AMBRA1: variants seen among roughly 807,000 people sequenced by gnomAD.
AMBRA1 encodes autophagy and beclin 1 regulator 1, also known as activating molecule in BECN1-regulated autophagy protein 1.
Under a neutral mutation model 125.4 loss-of-function variants are expected in AMBRA1, and 47 were observed. That is an observed-to-expected ratio of 0.37 (90% CI 0.30 to 0.48). The LOEUF is 0.48. Ranked by LOEUF, AMBRA1 falls within the 20% of genes least tolerant of loss-of-function variation. AMBRA1 has a pLI of 0.99. For synonymous variants in AMBRA1, 626 were observed against 655.5 expected, an observed-to-expected ratio of 0.95 and a Z score of 0.69; for missense variants, 1,331 against 1,693.4, an observed-to-expected ratio of 0.79 and a Z score of 3.76.
chr11:46,469,657 ATTTC>A (rs1033662454), intron 11 of AMBRA1, among the ~76,000 whole-genome samples: 7 of 151,936 alleles, frequency 4.6e-5, no homozygotes, highest in Non-Finnish European at 2.9e-5. Flanking sequence ...AGCAACATAT[ATTTC>A]TTTCTTTTTC....
chr11:46,422,120 C>A (rs191714193), intron 14 of AMBRA1, among the ~76,000 whole-genome samples: 14 of 152,096 alleles, frequency 9.2e-5, no homozygotes, highest in Admixed American at 2.6e-4. Context: ...TCTATTACAC[C>A]GGACGTATTA....
chr11:46,440,741 T>C (rs1947963393), intron 12 of AMBRA1, among the ~76,000 whole-genome samples: 1 of 152,162 alleles, frequency 6.6e-6, no homozygotes, highest in Non-Finnish European at 1.5e-5. Flanking sequence ...TATAAGCACT[T>C]AGAAATAGAT....
chr11:46,416,290 G>A (rs913486032), intron 15 of AMBRA1, among the ~76,000 whole-genome samples: 2 of 152,152 alleles, frequency 1.3e-5, no homozygotes, highest in African/African-American at 2.4e-5. Flanking sequence ...CTGGGACTAG[G>A]GACAGGCCAG....
chr11:46,410,622 C>T (rs567078349), intron 15 of AMBRA1, among the ~76,000 whole-genome samples: 7 of 152,302 alleles, frequency 4.6e-5, no homozygotes, highest in African/African-American at 7.2e-5. Context: ...CAAGCCTAAC[C>T]GGCTCCTCCT....
intron 17 of AMBRA1, among the ~76,000 whole-genome samples, chr11:46,401,456 G>C (rs919747892): frequency 3.9e-5 from 6 of 152,166 alleles, no homozygotes; most frequent in African/African-American, 1.4e-4. Context: ...GGCCAGGCTG[G>C]TATCAGACTC....
rs749028985 is a variant in AMBRA1 at position 46,408,688 on chromosome 11, C to G, written c.3228G>C (p.Trp1076Cys). The G allele has an allele frequency of 6.4e-7, 1 of 1,558,894 alleles. No homozygotes were observed. Among genetic ancestry groups the G allele is most frequent in the Non-Finnish European group, 8.7e-7 (1 of 1,148,628 alleles). The part of the protein sequence containing the change: ...SERPGTSRAT[W>C]RTDRDMGLMN... ...TCAGCCCCATGTCTCTGTCTGTCCT[C>G]CATGTGGCTCTGCTGGTTCTAGGGA... is the stretch of plus-strand genomic sequence containing the variant. The change falls in exon 17 of 18, where the codon TGG (tryptophan) becomes TGC (cysteine). Residue 1076 changes from tryptophan (W) to cysteine (C), a missense_variant. Coordinates refer to ENST00000683756, the MANE Select transcript of AMBRA1 (RefSeq NM_001387011.1).
At chr11:46,568,384 G>A (rs1565306657) in intron 1 of AMBRA1, among the ~76,000 whole-genome samples, 3 of 152,026 alleles carry the variant, frequency 2.0e-5, no homozygotes. Flanking sequence ...CTTGAACCCA[G>A]GAGGCAGAGG....
chr11:46,493,742 A>G (rs1237154625), intron 10 of AMBRA1, 34 bp from the exon 11 acceptor site: 2 of 1,535,766 alleles, frequency 1.3e-6, no homozygotes, highest in East Asian at 2.3e-5. Flanking sequence ...AAAGCTGACT[A>G]AAGACTACCA....
rs1209472847 is a variant in AMBRA1 at position 46,397,730 on chromosome 11, G to A, written c.3617C>T (p.Pro1206Leu). ...TEPGAAHTSS[P>L]QPSTSRGLLP... The stretch of plus-strand genomic sequence containing the variant: ...CAGTCCCCGAGAGGTGGAGGGCTGG[G>A]GTGAGGAGGTGTGGGCGGCACCAGG... Residue 1206 changes from proline (P) to leucine (L), a missense_variant, in exon 18 of 18, where the codon CCC becomes CTC. Pro to Leu is a moderately conservative substitution (Grantham distance 98). Around this residue, in one of 4 missense-constraint regions of AMBRA1, gnomAD observed 144 missense variants for 133.9 expected, o/e 1.08. Coordinates refer to ENST00000683756, the MANE Select transcript of AMBRA1 (RefSeq NM_001387011.1). 3.7e-6 allele frequency: 6 copies of A among 1,613,172 alleles called. No individual in the cohort carries two copies. The highest frequency in any genetic ancestry group is 3.3e-5 in the Admixed American group (2 of 60,022).
intron 1 of AMBRA1, among the ~76,000 whole-genome samples, chr11:46,560,660 C>T (rs1365526987): frequency 1.3e-5 from 2 of 152,082 alleles, no homozygotes; most frequent in Admixed American, 6.6e-5. Context: ...CTCCTAAAAA[C>T]GGAAGGAAGA....
chr11:46,531,332 G>C (rs1304759796), intron 7 of AMBRA1, among the ~76,000 whole-genome samples: 1 of 152,230 alleles, frequency 6.6e-6, no homozygotes, highest in Non-Finnish European at 1.5e-5. Flanking sequence ...CTGATATAGA[G>C]GGTAGGGCAG....
chr11:46,517,146 C>CTTTTTTT (rs369058163), intron 7 of AMBRA1, among the ~76,000 whole-genome samples: 2 of 122,044 alleles, frequency 1.6e-5, no homozygotes, highest in Admixed American at 8.5e-5. Context: ...TACTCAAAAG[C>CTTTTTTT]TTTTTTTTTT....
At chr11:46,552,689 A>AT (rs963426430) in intron 1 of AMBRA1, among the ~76,000 whole-genome samples, 1 of 151,878 alleles carries the variant, frequency 6.6e-6, no homozygotes, top group African/African-American at 2.4e-5. Context: ...AAAAAAAAAA[A>AT]AAAAAAATTA....
At chr11:46,524,119 C>T (rs898020302) in intron 7 of AMBRA1, among the ~76,000 whole-genome samples, 1 of 152,324 alleles carries the variant, frequency 6.6e-6, no homozygotes, top group Non-Finnish European at 1.5e-5. Context: ...CCGCCCACCT[C>T]GGCCTCCCAA....
chr11:46,403,955 T>C (rs1170629732), intron 17 of AMBRA1, among the ~76,000 whole-genome samples: 1 of 152,170 alleles, frequency 6.6e-6, no homozygotes, highest in Non-Finnish European at 1.5e-5. Context: ...ATCCCAGTAC[T>C]TTGGGAGGCC....
At chr11:46,486,249 G>A (rs895363363) in intron 11 of AMBRA1, among the ~76,000 whole-genome samples, 7 of 152,220 alleles carry the variant, frequency 4.6e-5, no homozygotes, top group East Asian at 3.9e-4. Flanking sequence ...ATGGGTACAC[G>A]GCAGAAAGAT....
chr11:46,419,319 G>T (rs1946729930), intron 14 of AMBRA1, among the ~76,000 whole-genome samples: 1 of 152,158 alleles, frequency 6.6e-6, no homozygotes, highest in Non-Finnish European at 1.5e-5. Flanking sequence ...CAGAGATAGG[G>T]GCAGGTCAGT....
intron 11 of AMBRA1, among the ~76,000 whole-genome samples, chr11:46,458,730 G>C (rs910065325): frequency 2.6e-5 from 4 of 152,118 alleles, no homozygotes; most frequent in Non-Finnish European, 5.9e-5. Flanking sequence ...CTGAGTAGCT[G>C]GGACTAAAAG....
chr11:46,545,161 C>CGGGGG (rs59510298), intron 5 of AMBRA1, among the ~76,000 whole-genome samples: 3 of 33,750 alleles, frequency 8.9e-5, no homozygotes, highest in African/African-American at 1.1e-4. Context: ...AAAAAAAAGC[C>CGGGGG]GGGGGGGGGG....
Sources: gnomAD v4.1 joint callset for allele counts (sites outside exome capture counted in the v4.1 genomes callset) on GRCh38, gnomAD v4.1.1 for gene constraint, gnomAD v4.1.1 regional missense constraint, MANE v1.5 for transcripts, NCBI Gene and HGNC (gene_info 2026-07-23, HGNC 2026-07-21) for gene names.